Variants in DMD observed in about 807,000 individuals in gnomAD.
DMD encodes mutant dystrophin.
Under a neutral mutation model 330.1 loss-of-function variants are expected in DMD, and 63 were observed. The ratio of observed to expected loss-of-function variants is 0.19; its 90% CI spans 0.16 to 0.24. The LOEUF (loss-of-function observed/expected upper bound fraction) is 0.24, where lower values mean the gene tolerates loss of function less well. Ranked by LOEUF, DMD falls within the 10% of genes least tolerant of loss-of-function variation. The pLI, the probability that DMD is intolerant of heterozygous loss-of-function variation, is 1.00. For missense variants in DMD, 3,344 were observed against 2,684.1 expected (o/e 1.25, Z -5.43); for synonymous variants, 1,223 against 959.8 (o/e 1.27, Z -5.07).
intron 9 of DMD, among the ~76,000 whole-genome samples, chrX:32,675,483 A>G: frequency 9.0e-6 from 1 of 111,620 alleles, no homozygotes; most frequent in Non-Finnish European, 1.9e-5. Context: ...CCTGTATTTT[A>G]CCTTCTTATT....
chrX:31,126,664 G>C lies in DMD; in HGVS notation c.11024C>G (p.Thr3675Ser). 1 of 1,197,772 alleles carries C rather than the reference G, an allele frequency of 8.3e-7. No homozygotes were observed. Reference sequence around the variant, plus strand: ...AACCTCTCTCATTGGCTTTCCAGGGGTATTTCTTCCTTTAATAATAGAGAG... The same window carrying C: ...AACCTCTCTCATTGGCTTTCCAGGGCTATTTCTTCCTTTAATAATAGAGAG... ...NSFPSSRGRN[T>S]PGKPMREDTM Residue 3675 changes from threonine to serine, a missense_variant, in exon 78 of 79, where the codon ACC becomes AGC. Thr to Ser is a moderately conservative substitution (Grantham distance 58). Coordinates refer to ENST00000357033, the MANE Select transcript of DMD (RefSeq NM_004006.3).
intron 55 of DMD, among the ~76,000 whole-genome samples, chrX:31,560,517 T>C (rs1340941516): frequency 9.0e-6 from 1 of 111,586 alleles, no homozygotes; most frequent in African/African-American, 3.3e-5. Flanking sequence ...TAGAATTCAG[T>C]GGGCCCACAA....
At chrX:33,269,857 C>T (rs756620258) in intron 1 of DMD, among the ~76,000 whole-genome samples, 1 of 110,259 alleles carries the variant, frequency 9.1e-6, no homozygotes, top group South Asian at 3.9e-4. Context: ...TTTGCAAATT[C>T]GGAGTTTTGC....
intron 59 of DMD, among the ~76,000 whole-genome samples, chrX:31,467,998 G>A (rs1399613664): frequency 8.9e-6 from 1 of 111,744 alleles, no homozygotes; most frequent in Non-Finnish European, 1.9e-5. Flanking sequence ...ATTTCTGTGG[G>A]ATGAGAGCTA....
chrX:31,757,288 T>C (rs2089194193), intron 51 of DMD, among the ~76,000 whole-genome samples: 1 of 111,486 alleles, frequency 9.0e-6, no homozygotes, highest in South Asian at 3.7e-4. Context: ...TTTTGGGCAA[T>C]TTAATTTTTT....
At chrX:32,476,519 T>C (rs2041253511) in intron 21 of DMD, among the ~76,000 whole-genome samples, 1 of 111,688 alleles carries the variant, frequency 9.0e-6, no homozygotes, top group Admixed American at 9.6e-5. Context: ...AATACACACC[T>C]ACTAACATAA....
At chrX:32,973,541 G>A (rs6527243) in intron 2 of DMD, among the ~76,000 whole-genome samples, 83 of 110,399 alleles carry the variant, frequency 7.5e-4, no homozygotes, top group African/African-American at 2.5e-3. Context: ...TGTGAGTATC[G>A]TAAAGCCACC....
intron 7 of DMD, among the ~76,000 whole-genome samples, chrX:32,723,977 G>T (rs1274082729): frequency 9.0e-6 from 1 of 111,464 alleles, no homozygotes; most frequent in East Asian, 2.8e-4. Flanking sequence ...GTAGCCCATG[G>T]GCTGTGAGTT....
At chrX:31,777,818 T>A (rs183626958) in intron 50 of DMD, among the ~76,000 whole-genome samples, 1 of 112,197 alleles carries the variant, frequency 8.9e-6, no homozygotes, top group Non-Finnish European at 1.9e-5. Context: ...AAGTACACTA[T>A]GTGGATTTTT....
intron 7 of DMD, among the ~76,000 whole-genome samples, chrX:32,791,258 T>A (rs909607530): frequency 8.9e-6 from 1 of 112,112 alleles, no homozygotes; most frequent in South Asian, 3.8e-4. Flanking sequence ...CCATGCTTGC[T>A]GCCCCTGGGC....
chrX:31,179,525 G>A (rs764346948), intron 69 of DMD, among the ~76,000 whole-genome samples: 1 of 112,259 alleles, frequency 8.9e-6, no homozygotes, highest in African/African-American at 3.2e-5. Flanking sequence ...GCAAAGTTTA[G>A]AGAAGAGGAG....
At chrX:32,769,980 T>C (rs2073427285) in intron 7 of DMD, among the ~76,000 whole-genome samples, 2 of 112,029 alleles carry the variant, frequency 1.8e-5, no homozygotes, top group African/African-American at 3.2e-5. Flanking sequence ...GTACAGACTA[T>C]GCATGAAGTA....
At chrX:32,889,392 A>C (rs988467820) in intron 2 of DMD, among the ~76,000 whole-genome samples, 1 of 110,828 alleles carries the variant, frequency 9.0e-6, no homozygotes, top group East Asian at 2.9e-4. Context: ...CCAAGGAACA[A>C]GGTCCCTATG....
At chrX:31,863,995 A>G (rs1210463807) in intron 48 of DMD, among the ~76,000 whole-genome samples, 1 of 111,245 alleles carries the variant, frequency 9.0e-6, no homozygotes, top group Non-Finnish European at 1.9e-5. Context: ...GATGGTAGAC[A>G]TTATATTGCA....
At chrX:32,275,514 T>C (rs1261158585) in intron 43 of DMD, among the ~76,000 whole-genome samples, 1 of 111,812 alleles carries the variant, frequency 8.9e-6, no homozygotes, top group Non-Finnish European at 1.9e-5. Context: ...GGAGAGCGTA[T>C]AGTGCACAAG....
At chrX:32,627,644 C>A (rs895082138) in intron 11 of DMD, among the ~76,000 whole-genome samples, 34 of 110,860 alleles carry the variant, frequency 3.1e-4, no homozygotes, top group Non-Finnish European at 9.4e-5. Flanking sequence ...GCTTCACAAT[C>A]ATGCAATATT....
At chrX:32,164,987 A>G (rs1220067838) in intron 44 of DMD, among the ~76,000 whole-genome samples, 1 of 112,352 alleles carries the variant, frequency 8.9e-6, no homozygotes, top group Non-Finnish European at 1.9e-5. Context: ...GAAGTTTGGG[A>G]ACCTCTGCCT....
At chrX:32,445,614 G>T (rs2098300322) in intron 27 of DMD, among the ~76,000 whole-genome samples, 1 of 110,829 alleles carries the variant, frequency 9.0e-6, no homozygotes. Context: ...TATTGTTAAA[G>T]AAGCCAACTA....
At chrX:31,522,137 C>T (rs897131771) in intron 55 of DMD, among the ~76,000 whole-genome samples, 1 of 108,926 alleles carries the variant, frequency 9.2e-6, no homozygotes, top group African/African-American at 3.4e-5. Context: ...GATATTTGAT[C>T]AGGGTCTTGA....
Sources: gnomAD v4.1 joint callset for allele counts (sites outside exome capture counted in the v4.1 genomes callset) on GRCh38, gnomAD v4.1.1 for gene constraint, MANE v1.5 for transcripts, NCBI Gene and HGNC (gene_info 2026-07-23, HGNC 2026-07-21) for gene names.